LYPD5: variants seen among roughly 807,000 people sequenced by gnomAD.
The protein encoded by LYPD5 is ly6/PLAUR domain-containing protein 5.
In LYPD5, 21 loss-of-function variants were observed where a neutral mutation model predicts 19.1. The observed-to-expected ratio is 1.10, with a 90% CI of 0.78 to 1.58. The LOEUF is 1.58. LYPD5 is among the 40% of genes most tolerant of loss of function. LYPD5 has a pLI of 0.00. For missense variants in LYPD5, 287 were observed against 329.8 expected (o/e 0.87, Z 1.00); for synonymous variants, 128 against 142.7 (o/e 0.90, Z 0.74).
At chr19:43,808,262 C>T (rs1004884853) in intron 1 of LYPD5, among the ~76,000 whole-genome samples, 18 of 152,204 alleles carry the variant, frequency 1.2e-4, no homozygotes, top group Admixed American at 3.9e-4. Context: ...TCTGCCACCA[C>T]GCCTGGCTAA....
intron 4 of LYPD5, among the ~76,000 whole-genome samples, chr19:43,798,217 T>A (rs113005425): frequency 1.4e-5 from 2 of 146,614 alleles, no homozygotes; most frequent in South Asian, 2.2e-4. Flanking sequence ...TCATGCCTCC[T>A]CCCTCAGACC....
chr19:43,802,542 A>ATCAT, upstream of LYPD5: 1 of 459,314 alleles, frequency 2.2e-6, no homozygotes, highest in South Asian at 2.6e-5. Context: ...TCGTGATGGA[A>ATCAT]ACAGGGTGAT....
upstream of LYPD5, among the ~76,000 whole-genome samples, chr19:43,803,420 C>T (rs1166153075): frequency 6.6e-6 from 1 of 152,184 alleles, no homozygotes; most frequent in Non-Finnish European, 1.5e-5. Context: ...TGGTTTGTCT[C>T]ACTTCTTGCT....
At chr19:43,812,301 G>C (rs1024235631) in intron 1 of LYPD5, among the ~76,000 whole-genome samples, 3 of 151,936 alleles carry the variant, frequency 2.0e-5, no homozygotes, top group African/African-American at 7.3e-5. Flanking sequence ...CAAAAGGTGT[G>C]GATAGAGGGA....
chr19:43,815,974 T>G (rs1970370022), intron 1 of LYPD5, among the ~76,000 whole-genome samples: 1 of 152,096 alleles, frequency 6.6e-6, no homozygotes, highest in South Asian at 2.1e-4. Context: ...CCTCAAGCGA[T>G]TCACCCGCCT....
chr19:43,800,366 T>G (rs1044605352), intron 1 of LYPD5, among the ~76,000 whole-genome samples: 1 of 152,198 alleles, frequency 6.6e-6, no homozygotes, highest in African/African-American at 2.4e-5. Flanking sequence ...ATATCCTGAA[T>G]GCACCCAGGC....
At chr19:43,802,558 G>A (rs1456237851), upstream of LYPD5, 2 of 405,110 alleles carry the variant, frequency 4.9e-6, no homozygotes, top group Admixed American at 8.7e-5. Context: ...GTGATCCTCA[G>A]TTGCTGGAGA....
At chr19:43,819,999 G>A (rs1970406342) in intron 1 of LYPD5, among the ~76,000 whole-genome samples, 1 of 124,602 alleles carries the variant, frequency 8.0e-6, no homozygotes, top group Non-Finnish European at 1.9e-5. Context: ...AGCTAGAGAA[G>A]GAAAAGACTT....
chr19:43,820,509 G>A (rs1970409861), intron 1 of LYPD5: 1 of 145,632 alleles, frequency 6.9e-6, no homozygotes, highest in Non-Finnish European at 1.5e-5. Flanking sequence ...TCGGCTGCTC[G>A]CATTCGCCTC....
chr19:43,799,164 T>C (rs1970185073), intron 2 of LYPD5, 176 bp from the exon 3 acceptor site: 3 of 652,822 alleles, frequency 4.6e-6, no homozygotes, highest in Admixed American at 3.3e-5. Context: ...TCCTCCACTC[T>C]TCCTCCCTGT....
chr19:43,820,132 TC>T (rs779550576), intron 1 of LYPD5, among the ~76,000 whole-genome samples: 5 of 152,274 alleles, frequency 3.3e-5, no homozygotes, highest in Non-Finnish European at 4.4e-5. Flanking sequence ...CCAAGCACTT[TC>T]TTCTTTTTGA....
chr19:43,809,671 C>T (rs943903097), intron 1 of LYPD5, among the ~76,000 whole-genome samples: 3 of 152,174 alleles, frequency 2.0e-5, no homozygotes, highest in Non-Finnish European at 2.9e-5. Flanking sequence ...GGATTACAGG[C>T]GTGAGCCACT....
At chr19:43,812,951 G>A (rs945802323) in intron 1 of LYPD5, among the ~76,000 whole-genome samples, 5 of 152,312 alleles carry the variant, frequency 3.3e-5, no homozygotes, top group East Asian at 3.9e-4. Context: ...CTTATGGAAA[G>A]CTGCTTCCAC....
Position 43,802,413 on chromosome 19 carries a change from C to A in LYPD5, c.-33G>T. 1.3e-6 allele frequency: 2 copies of A among 1,546,226 alleles called. No individual in the cohort carries two copies. Among genetic ancestry groups the A allele is most frequent in the Admixed American group, 2.0e-5 (1 of 50,986 alleles). ...CTGGGCCACCTGGGACAGCTCCTCC[C>A]GCTGTGATGTGCTGCCTGGCTGGTT... On this transcript the variant is annotated 5_prime_UTR_variant, in exon 1 of 5. Transcript: ENST00000377950.
At chr19:43,802,478 G>A (rs982034975), upstream of LYPD5, 1 of 1,150,178 alleles carries the variant, frequency 8.7e-7, no homozygotes, top group Non-Finnish European at 1.3e-6. Flanking sequence ...ACCCAGCCTG[G>A]CCAGTATTTC....
chr19:43,817,865 C>T (rs1260309799), intron 1 of LYPD5, among the ~76,000 whole-genome samples: 1 of 151,994 alleles, frequency 6.6e-6, no homozygotes, highest in East Asian at 1.9e-4. Flanking sequence ...TACAGGTGTG[C>T]ACCACCACAC....
At chr19:43,818,028 G>A (rs766838160) in intron 1 of LYPD5, among the ~76,000 whole-genome samples, 1 of 152,108 alleles carries the variant, frequency 6.6e-6, no homozygotes, top group Non-Finnish European at 1.5e-5. Flanking sequence ...AGTACTCTTA[G>A]TTCACAAGTT....
intron 1 of LYPD5, among the ~76,000 whole-genome samples, chr19:43,814,336 T>G (rs1024232566): frequency 1.3e-5 from 2 of 152,048 alleles, no homozygotes; most frequent in African/African-American, 4.8e-5. Flanking sequence ...TACAAAACAT[T>G]CAAAACAAAT....
chr19:43,800,961 CT>C (rs1343844032), intron 1 of LYPD5, among the ~76,000 whole-genome samples: 1 of 18,802 alleles, frequency 5.3e-5, no homozygotes, highest in African/African-American at 1.9e-4. Flanking sequence ...GAGACTCTGT[CT>C]CAAAAAAAAA....
Sources: allele counts gnomAD v4.1 joint callset (sites outside exome capture counted in the v4.1 genomes callset), GRCh38; gene constraint gnomAD v4.1.1; transcripts MANE v1.5; gene names NCBI Gene and HGNC (gene_info 2026-07-23, HGNC 2026-07-21).